VPS13B: variants seen among roughly 807,000 people sequenced by gnomAD.
The protein encoded by VPS13B is intermembrane lipid transfer protein VPS13B.
VPS13B carries 285 observed loss-of-function variants against 426.4 expected under a neutral mutation model. That is an observed-to-expected ratio of 0.67 (90% confidence interval 0.61 to 0.74). The LOEUF is 0.74. VPS13B is among the 30% of genes least tolerant of loss of function. VPS13B has a pLI of 0.00. For synonymous variants in VPS13B, 1,676 were observed against 1,676.4 expected, an observed-to-expected ratio of 1.00 and a Z score of 0.01; for missense variants, 4,537 against 4,782.6, an observed-to-expected ratio of 0.95 and a Z score of 1.51.
intron 2 of VPS13B, 58 bp from the exon 3 acceptor site, chr8:99,038,365 A>C: frequency 7.3e-7 from 1 of 1,375,536 alleles, no homozygotes; most frequent in Non-Finnish European, 9.9e-7. Context: ...AAATTTGCAT[A>C]TTATAATAAA....
intron 3 of VPS13B, among the ~76,000 whole-genome samples, chr8:99,079,235 G>A (rs550214150): frequency 3.3e-5 from 5 of 152,246 alleles, no homozygotes; most frequent in Admixed American, 6.5e-5. Flanking sequence ...ATTCCTGGAT[G>A]GTGTGTGCAA....
chr8:99,590,211 T>C (rs928852594), intron 33 of VPS13B, among the ~76,000 whole-genome samples: 4 of 152,188 alleles, frequency 2.6e-5, no homozygotes, highest in African/African-American at 7.2e-5. Flanking sequence ...TTATTGCATC[T>C]ATTTGATTCT....
At chr8:99,311,601 A>G (rs973674818) in intron 19 of VPS13B, among the ~76,000 whole-genome samples, 7 of 152,172 alleles carry the variant, frequency 4.6e-5, no homozygotes, top group Non-Finnish European at 8.8e-5. Flanking sequence ...TATGTGGTCA[A>G]TTTTGGAATA....
intron 19 of VPS13B, among the ~76,000 whole-genome samples, chr8:99,280,594 G>C (rs1475663797): frequency 6.6e-6 from 1 of 152,162 alleles, no homozygotes; most frequent in South Asian, 2.1e-4. Context: ...TAAATAATCA[G>C]TTCTTGATAC....
chr8:99,230,541 T>G (rs1816265378), intron 17 of VPS13B, among the ~76,000 whole-genome samples: 1 of 152,246 alleles, frequency 6.6e-6, no homozygotes, highest in South Asian at 2.1e-4. Flanking sequence ...GAAAACCAGG[T>G]TCCAGTTCTG....
intron 35 of VPS13B, among the ~76,000 whole-genome samples, chr8:99,689,312 T>C (rs1831547616): frequency 6.6e-6 from 1 of 150,810 alleles, no homozygotes; most frequent in African/African-American, 2.5e-5. Context: ...TTTAGGTATT[T>C]AGAATATTAA....
At chr8:99,605,506 T>A (rs1423716051) in intron 33 of VPS13B, among the ~76,000 whole-genome samples, 1 of 152,240 alleles carries the variant, frequency 6.6e-6, no homozygotes, top group East Asian at 1.9e-4. Context: ...TTAATTTATC[T>A]CCTCAACATT....
chr8:99,106,088 AT>A (rs1300818363), intron 5 of VPS13B, among the ~76,000 whole-genome samples: 1 of 151,828 alleles, frequency 6.6e-6, no homozygotes, highest in African/African-American at 2.4e-5. Context: ...TTTTTAAATA[AT>A]TTTTTTTAAT....
chr8:99,170,249 C>T (rs970986373), intron 16 of VPS13B, 86 bp downstream of exon 16: 4 of 1,495,272 alleles, frequency 2.7e-6, no homozygotes, highest in Non-Finnish European at 3.7e-6. Flanking sequence ...GTCTTATGCC[C>T]ATGCTAGTTT....
intron 39 of VPS13B, among the ~76,000 whole-genome samples, chr8:99,724,765 T>C (rs1833268328): frequency 6.6e-6 from 1 of 152,166 alleles, no homozygotes; most frequent in Non-Finnish European, 1.5e-5. Context: ...AATTCCAGGC[T>C]CCAGTATCTC....
intron 21 of VPS13B, among the ~76,000 whole-genome samples, chr8:99,412,521 G>A (rs180938992): frequency 4.3e-4 from 65 of 152,290 alleles, no homozygotes; most frequent in African/African-American, 1.3e-3. Context: ...TGCAAACAGA[G>A]ACAATTTGAC....
At chr8:99,171,708 G>C (rs1198773385) in intron 16 of VPS13B, among the ~76,000 whole-genome samples, 1 of 151,828 alleles carries the variant, frequency 6.6e-6, no homozygotes, top group Non-Finnish European at 1.5e-5. Flanking sequence ...GACTACTTCT[G>C]TGTTATTTCA....
chr8:99,425,943 G>A (rs1402212305), intron 21 of VPS13B, among the ~76,000 whole-genome samples: 2 of 151,790 alleles, frequency 1.3e-5, no homozygotes, highest in African/African-American at 4.8e-5. Context: ...TAAGTTTTAG[G>A]GTACTTGTGC....
chr8:99,619,415 G>T (rs72674688), intron 33 of VPS13B, among the ~76,000 whole-genome samples: 4,063 of 152,266 alleles, frequency 0.027, 77 homozygotes, highest in South Asian at 0.057. Context: ...TGCATCAATT[G>T]TCTTGTTTTT....
At chr8:99,839,941 A>T (rs1815597449) in intron 54 of VPS13B, among the ~76,000 whole-genome samples, 1 of 152,218 alleles carries the variant, frequency 6.6e-6, no homozygotes, top group South Asian at 2.1e-4. Context: ...TTCCCCTCAA[A>T]TACAGCAACG....
chr8:99,356,665 G>C, intron 19 of VPS13B, among the ~76,000 whole-genome samples: 1 of 152,006 alleles, frequency 6.6e-6, no homozygotes, highest in Non-Finnish European at 1.5e-5. Flanking sequence ...AAACAAACAA[G>C]TATCTTTACC....
Position 99,413,834 on chromosome 8 carries a change from GT to G in VPS13B, c.3083-17699del, listed in dbSNP as rs1235396904. On this transcript the variant is annotated intron_variant, in intron 21 of 61. Coordinates refer to ENST00000357162, the MANE Select transcript of VPS13B (RefSeq NM_152564.5). ...CATTCTTTTGCATTTGCTGAGGAGT[GT>G]TTTACACCCAGTTATGTGGCCAATT... is the stretch of plus-strand genomic sequence containing the variant. Among the ~76,000 whole-genome samples the G allele has an allele frequency of 9.9e-5, 15 of 152,264 alleles. No individual in the cohort carries two copies. The Middle Eastern group carries it at 0.014, about 138-fold the overall frequency.
At chr8:99,618,281 TCAA>T (rs1828194386) in intron 33 of VPS13B, among the ~76,000 whole-genome samples, 1 of 117,812 alleles carries the variant, frequency 8.5e-6, no homozygotes, top group African/African-American at 3.3e-5. Context: ...TGTGTATATT[TCAA>T]AAAAAAAAAA....
At chr8:99,324,642 C>G (rs923183862) in intron 19 of VPS13B, among the ~76,000 whole-genome samples, 2 of 152,064 alleles carry the variant, frequency 1.3e-5, no homozygotes, top group Admixed American at 1.3e-4. Flanking sequence ...AGTTTGAAAG[C>G]CACATATATA....
Sources: gnomAD v4.1 joint callset for allele counts (sites outside exome capture counted in the v4.1 genomes callset) on GRCh38, gnomAD v4.1.1 for gene constraint, MANE v1.5 for transcripts, NCBI Gene and HGNC (gene_info 2026-07-23, HGNC 2026-07-21) for gene names.